The following RABEPK variants were observed in gnomAD, a reference collection of about 807,000 sequenced individuals.
RABEPK encodes the protein 40 kDa Rab9 effector protein.
In RABEPK, 27 loss-of-function variants were observed where a neutral mutation model predicts 34.1. The ratio of observed to expected loss-of-function variants is 0.79; its 90% CI spans 0.58 to 1.09. The LOEUF is 1.09. RABEPK is among the 50% of genes least tolerant of loss of function. RABEPK has a pLI of 0.00. For missense variants in RABEPK, 449 were observed against 462.6 expected, an observed-to-expected ratio of 0.97 and a Z score of 0.27; for synonymous variants, 172 against 169.2, an observed-to-expected ratio of 1.02 and a Z score of -0.13.
intron 3 of RABEPK, among the ~76,000 whole-genome samples, chr9:125,210,296 G>A (rs1830499912): frequency 6.6e-6 from 1 of 151,188 alleles, no homozygotes; most frequent in East Asian, 2.0e-4. Flanking sequence ...CCAGCTACTC[G>A]GGGAGGCTGA....
chr9:125,206,308 G>C (rs1330521213), intron 2 of RABEPK, among the ~76,000 whole-genome samples: 2 of 152,076 alleles, frequency 1.3e-5, no homozygotes, highest in South Asian at 4.1e-4. Context: ...TTCAAGGCTG[G>C]CCAACATAGT....
intron 4 of RABEPK, among the ~76,000 whole-genome samples, chr9:125,217,540 A>T (rs1001799340): frequency 6.6e-6 from 1 of 152,162 alleles, no homozygotes; most frequent in African/African-American, 2.4e-5. Context: ...AGCTGGGATT[A>T]CAGGCACATG....
chr9:125,225,414 T>C (rs565375218), intron 5 of RABEPK, among the ~76,000 whole-genome samples: 1 of 150,734 alleles, frequency 6.6e-6, no homozygotes, highest in Admixed American at 6.6e-5. Flanking sequence ...CTGGATGCAG[T>C]GGCTCATGCC....
At chr9:125,226,347 G>A (rs1261503882) in intron 5 of RABEPK, among the ~76,000 whole-genome samples, 1 of 151,068 alleles carries the variant, frequency 6.6e-6, no homozygotes, top group East Asian at 1.9e-4. Context: ...AAAAAAAGTT[G>A]AGTGCCACTG....
intron 2 of RABEPK, among the ~76,000 whole-genome samples, chr9:125,203,997 A>G (rs1319655512): frequency 7.2e-6 from 1 of 139,144 alleles, no homozygotes; most frequent in African/African-American, 2.7e-5. Flanking sequence ...ATGCCACTGT[A>G]CTCCAGCATG....
intron 5 of RABEPK, chr9:125,221,518 A>G (rs78286434): frequency 2.1e-4 from 32 of 152,120 alleles, no homozygotes; most frequent in African/African-American, 6.7e-4. Context: ...AAAAATAAAA[A>G]GGTATAATGA....
Position 125,233,806 on chromosome 9 carries a change from C to T in RABEPK, c.945C>T (p.Asn315=), listed in dbSNP as rs1210198268. The part of the protein sequence containing the change: ...VTCASEKEDS[N]SLTLNHEAEK... ...GTGCTTCTGAGAAAGAAGATTCCAACTCTCTCACTCTGAACCATGAAGCTG... is the reference window on the plus strand; with the variant it reads ...GTGCTTCTGAGAAAGAAGATTCCAATTCTCTCACTCTGAACCATGAAGCTG... Residue 315 remains asparagine (N), a synonymous_variant, in exon 8 of 8, where the codon AAC becomes AAT. Transcript: ENST00000373538. 12 of 1,614,014 alleles carry T rather than the reference C, an allele frequency of 7.4e-6. No homozygotes were observed. The highest frequency in any genetic ancestry group is 1.0e-5 in the Non-Finnish European group (12 of 1,180,016).
intron 6 of RABEPK, among the ~76,000 whole-genome samples, chr9:125,231,251 G>A (rs1403483215): frequency 6.6e-6 from 1 of 151,962 alleles, no homozygotes; most frequent in African/African-American, 2.4e-5. Context: ...CTGAGATCGC[G>A]CCACTGCACT....
At chr9:125,219,890 CATCTAGTGGGA>C (rs1420230441) in intron 4 of RABEPK, among the ~76,000 whole-genome samples, 6 of 152,064 alleles carry the variant, frequency 3.9e-5, no homozygotes, top group African/African-American at 1.4e-4. Context: ...TGGACTCTGG[CATCTAGTGGGA>C]ATGAATGTTA....
chr9:125,216,921 C>T (rs1352273146), intron 4 of RABEPK, among the ~76,000 whole-genome samples: 6 of 150,308 alleles, frequency 4.0e-5, no homozygotes, highest in Non-Finnish European at 5.9e-5. Flanking sequence ...GAGCCGAGAT[C>T]GCGCCACTGC....
At chr9:125,228,574 G>A (rs911825736) in intron 6 of RABEPK, among the ~76,000 whole-genome samples, 3 of 151,484 alleles carry the variant, frequency 2.0e-5, no homozygotes, top group Non-Finnish European at 4.4e-5. Flanking sequence ...CAGGAGAATC[G>A]CTTGAACCCA....
At chr9:125,201,473 T>C (rs1829899362) in intron 1 of RABEPK, among the ~76,000 whole-genome samples, 1 of 152,190 alleles carries the variant, frequency 6.6e-6, no homozygotes, top group Non-Finnish European at 1.5e-5. Flanking sequence ...ATTTCTCAGC[T>C]TCTTTAAATA....
intron 3 of RABEPK, among the ~76,000 whole-genome samples, chr9:125,208,540 A>AT (rs796283802): frequency 1.1e-3 from 159 of 138,506 alleles, no homozygotes; most frequent in South Asian, 2.8e-3. Context: ...TGCCCAGCTA[A>AT]TTTTTTTTTT....
chr9:125,229,695 C>T (rs960720182), intron 6 of RABEPK, among the ~76,000 whole-genome samples: 1 of 152,118 alleles, frequency 6.6e-6, no homozygotes, highest in African/African-American at 2.4e-5. Flanking sequence ...AGCCATTAAC[C>T]CATGAAGGAT....
At chr9:125,207,951 CCT>C (rs1378608906) in intron 3 of RABEPK, among the ~76,000 whole-genome samples, 1 of 152,056 alleles carries the variant, frequency 6.6e-6, no homozygotes, top group Non-Finnish European at 1.5e-5. Context: ...ATGATGAAAC[CCT>C]GTCTCTACTA....
intron 2 of RABEPK, among the ~76,000 whole-genome samples, chr9:125,205,980 A>C (rs1266530878): frequency 6.6e-6 from 1 of 152,162 alleles, no homozygotes; most frequent in African/African-American, 2.4e-5. Context: ...GGTGGCTGGT[A>C]GGAAAGGAGT....
At chr9:125,229,255 A>G (rs371730171) in intron 6 of RABEPK, among the ~76,000 whole-genome samples, 1 of 147,468 alleles carries the variant, frequency 6.8e-6, no homozygotes, top group Non-Finnish European at 1.5e-5. Context: ...CTCCGTCTCC[A>G]AAAAAAAAAG....
At chr9:125,229,240 C>A (rs1469229791) in intron 6 of RABEPK, among the ~76,000 whole-genome samples, 2 of 149,666 alleles carry the variant, frequency 1.3e-5, no homozygotes, top group African/African-American at 4.9e-5. Context: ...GGCGACACAG[C>A]AAGACTCCGT....
rs932264340 is a variant in RABEPK, at chr9:125,204,917, T to A, written c.53+1851T>A. Among the ~76,000 whole-genome samples, 14 of 152,180 alleles carry A rather than the reference T, an allele frequency of 9.2e-5. No individual in the cohort carries two copies. The South Asian group carries it at 1.0e-3, about 11-fold the overall frequency. On this transcript the variant is annotated intron_variant, in intron 2 of 7. Coordinates refer to ENST00000373538, the MANE Select transcript of RABEPK (RefSeq NM_005833.4). The stretch of plus-strand genomic sequence containing the variant: ...ATTGTGGCTCATTATAGCCTCGACC[T>A]CCTGGCCTCAAGTAACCTTCCCATC...
Sources: gnomAD v4.1 joint callset for allele counts (sites outside exome capture counted in the v4.1 genomes callset) on GRCh38, gnomAD v4.1.1 for gene constraint, MANE v1.5 for transcripts, NCBI Gene and HGNC (gene_info 2026-07-23, HGNC 2026-07-21) for gene names.